CAST: variants seen among roughly 807,000 people sequenced by gnomAD.
The protein encoded by CAST is MIR583 host.
CAST carries 76 observed loss-of-function variants against 119.6 expected under a neutral mutation model. The observed-to-expected ratio is 0.64, with a 90% confidence interval of 0.53 to 0.77. CAST has a LOEUF of 0.77. Ranked by LOEUF, CAST falls within the 30% of genes least tolerant of loss-of-function variation. The pLI, the probability that CAST is intolerant of heterozygous loss-of-function variation, is 0.00. For missense variants in CAST, 953 were observed against 946.5 expected (o/e 1.01, Z -0.09); for synonymous variants, 319 against 331.6 (o/e 0.96, Z 0.41).
chr5:96,676,282 TC>T (rs1472580217), intron 2 of CAST, among the ~76,000 whole-genome samples: 1 of 152,176 alleles, frequency 6.6e-6, no homozygotes, highest in Non-Finnish European at 1.5e-5. Flanking sequence ...TCCATCTTCA[TC>T]CAGTAGAAAT....
At chr5:96,205,790 G>A in the CAST span, among the ~76,000 whole-genome samples, 6 of 152,020 alleles carry the variant, frequency 3.9e-5, no homozygotes, top group East Asian at 1.9e-4. Flanking sequence ...ATGTGCATAT[G>A]TCTTTATAGT....
chr5:96,251,209 A>C, the CAST span, among the ~76,000 whole-genome samples: 1 of 152,218 alleles, frequency 6.6e-6, no homozygotes, highest in Non-Finnish European at 1.5e-5. Context: ...TAGTAGGTCC[A>C]TAAACCAGCT....
At chr5:96,618,901 A>G (rs1417091559) in intron 1 of CAST, among the ~76,000 whole-genome samples, 1 of 152,228 alleles carries the variant, frequency 6.6e-6, no homozygotes, top group Non-Finnish European at 1.5e-5. Flanking sequence ...CACAGGATCC[A>G]CTAGGTGAAG....
intron 1 of CAST, among the ~76,000 whole-genome samples, chr5:96,648,692 G>C (rs1470824072): frequency 1.3e-5 from 2 of 148,936 alleles, no homozygotes; most frequent in Admixed American, 6.8e-5. Context: ...TTGTGAAACT[G>C]GGAGAAGTTT....
At chr5:96,240,565 A>T in the CAST span, among the ~76,000 whole-genome samples, 1,343 of 151,694 alleles carry the variant, frequency 8.9e-3, 12 homozygotes, top group Middle Eastern at 0.02. Context: ...TCATTTTTTT[A>T]TTATTATTAT....
the CAST span, among the ~76,000 whole-genome samples, chr5:96,072,758 C>T: frequency 6.6e-6 from 1 of 152,192 alleles, no homozygotes; most frequent in Non-Finnish European, 1.5e-5. Flanking sequence ...TTGAGAGTGG[C>T]TCTTGCTGTT....
the CAST span, among the ~76,000 whole-genome samples, chr5:96,182,398 A>G: frequency 3.3e-5 from 5 of 152,364 alleles, no homozygotes; most frequent in East Asian, 9.6e-4. Flanking sequence ...AGTTGGAGTA[A>G]AGCAAGAAGG....
At chr5:96,288,815 G>T in the CAST span, among the ~76,000 whole-genome samples, 1 of 152,062 alleles carries the variant, frequency 6.6e-6, no homozygotes, top group Non-Finnish European at 1.5e-5. Context: ...GCACAGTACA[G>T]ACATTCAAAG....
At chr5:96,393,136 T>C in the CAST span, 2 of 1,614,078 alleles carry the variant, frequency 1.2e-6, no homozygotes, top group Non-Finnish European at 1.7e-6. Flanking sequence ...GCTGGGAAGG[T>C]TTGTTCAGCT....
chr5:96,643,492 C>A (rs935431427), intron 1 of CAST, among the ~76,000 whole-genome samples: 2 of 152,096 alleles, frequency 1.3e-5, no homozygotes, highest in African/African-American at 4.8e-5. Flanking sequence ...AATCCCAGCA[C>A]TTTAGGAGGC....
the CAST span, among the ~76,000 whole-genome samples, chr5:96,300,834 A>ATTTTTTTTTTTTTTT: frequency 1.9e-5 from 1 of 52,462 alleles, no homozygotes. Flanking sequence ...ATTCCTAAGC[A>ATTTTTTTTTTTTTTT]TTTTTTTTTT....
At chr5:96,131,395 G>C in the CAST span, among the ~76,000 whole-genome samples, 1 of 151,480 alleles carries the variant, frequency 6.6e-6, no homozygotes, top group African/African-American at 2.4e-5. Flanking sequence ...GAATGCAGCT[G>C]TAAATTTAAT....
the CAST span, among the ~76,000 whole-genome samples, chr5:96,509,671 C>T: frequency 2.1e-4 from 32 of 152,190 alleles, no homozygotes; most frequent in African/African-American, 7.5e-4. Flanking sequence ...TTTTAGGAAT[C>T]ATTCCCAGAG....
At chr5:96,153,880 A>G in the CAST span, among the ~76,000 whole-genome samples, 4 of 152,252 alleles carry the variant, frequency 2.6e-5, no homozygotes, top group Admixed American at 6.5e-5. Context: ...TTAGAAATCC[A>G]AATGTTTCGA....
the CAST span, among the ~76,000 whole-genome samples, chr5:96,495,717 G>A: frequency 2.0e-5 from 3 of 152,164 alleles, no homozygotes; most frequent in Non-Finnish European, 4.4e-5. Flanking sequence ...AAATAGTGCT[G>A]TAATAAACCT....
At chr5:96,580,446 C>A (rs946560697) in intron 1 of CAST, among the ~76,000 whole-genome samples, 2 of 152,186 alleles carry the variant, frequency 1.3e-5, no homozygotes, top group African/African-American at 4.8e-5. Flanking sequence ...CTTTAGTAAT[C>A]TTAACGTAAA....
chr5:96,148,561 C>T, the CAST span, among the ~76,000 whole-genome samples: 2 of 152,304 alleles, frequency 1.3e-5, no homozygotes, highest in East Asian at 3.9e-4. Flanking sequence ...CAATTTCATG[C>T]CTAGCCCAAC....
chr5:96,572,900 C>G (rs1580830172), intron 1 of CAST, among the ~76,000 whole-genome samples: 1 of 152,190 alleles, frequency 6.6e-6, no homozygotes, highest in East Asian at 1.9e-4. Flanking sequence ...GCATCATGCA[C>G]AACCTGGTGG....
upstream of CAST, among the ~76,000 whole-genome samples, chr5:96,526,289 T>C (rs1370311959): frequency 1.3e-5 from 2 of 152,024 alleles, no homozygotes; most frequent in African/African-American, 4.8e-5. Flanking sequence ...TAGGAAGGAA[T>C]AGGGGTTTGG....
Sources: allele counts gnomAD v4.1 joint callset (sites outside exome capture counted in the v4.1 genomes callset), GRCh38; gene constraint gnomAD v4.1.1; transcripts MANE v1.5; gene names NCBI Gene and HGNC (gene_info 2026-07-23, HGNC 2026-07-21).